ATG10: variants seen among roughly 807,000 people sequenced by gnomAD.
The protein encoded by ATG10 is autophagy related 10.
ATG10 carries 30 observed loss-of-function variants against 32.1 expected under a neutral mutation model. That is an observed-to-expected ratio of 0.94 (90% CI 0.70 to 1.27). The LOEUF is 1.27. Ranked by LOEUF, ATG10 falls within the 50% of genes most tolerant of loss-of-function variation. ATG10 has a pLI of 0.00. For missense variants in ATG10, 233 were observed against 262.3 expected, an observed-to-expected ratio of 0.89 and a Z score of 0.77; for synonymous variants, 87 against 91.5, an observed-to-expected ratio of 0.95 and a Z score of 0.28.
chr5:82,195,819 G>A (rs1744831654), intron 5 of ATG10, among the ~76,000 whole-genome samples: 1 of 152,100 alleles, frequency 6.6e-6, no homozygotes, highest in African/African-American at 2.4e-5. Context: ...CTTTGTGACT[G>A]TTATGAACAA....
At chr5:82,121,941 G>GTTTTTTTT (rs77349086) in intron 3 of ATG10, among the ~76,000 whole-genome samples, 150 of 120,984 alleles carry the variant, frequency 1.2e-3, no homozygotes, top group African/African-American at 4.1e-3. Context: ...TTGGCCTGAA[G>GTTTTTTTT]TTTTTTTTTT....
At chr5:82,238,374 T>A (rs1746652129) in intron 5 of ATG10, among the ~76,000 whole-genome samples, 1 of 97,822 alleles carries the variant, frequency 1.0e-5, no homozygotes, top group Admixed American at 1.6e-4. Context: ...TGCCCAGCCA[T>A]CAGCCATCTC....
chr5:82,102,754 C>T (rs1452501705), intron 3 of ATG10, among the ~76,000 whole-genome samples: 1 of 152,118 alleles, frequency 6.6e-6, no homozygotes, highest in Non-Finnish European at 1.5e-5. Flanking sequence ...TTAGCTGATA[C>T]CCTAACTTTC....
chr5:81,973,210 A>T (rs1020682706), intron 1 of ATG10: 1 of 152,132 alleles, frequency 6.6e-6, no homozygotes, highest in Non-Finnish European at 1.5e-5. Context: ...GCTCACTGCA[A>T]CCTCTGCCTC....
At chr5:82,249,162 T>G (rs1747144428) in intron 5 of ATG10, among the ~76,000 whole-genome samples, 1 of 152,172 alleles carries the variant, frequency 6.6e-6, no homozygotes, top group Non-Finnish European at 1.5e-5. Context: ...ACTGAAGTGT[T>G]TTTGAAGTAC....
intron 3 of ATG10, among the ~76,000 whole-genome samples, chr5:82,062,861 A>G (rs959251669): frequency 4.6e-5 from 7 of 152,172 alleles, no homozygotes; most frequent in African/African-American, 1.4e-4. Context: ...ATTCCATTTG[A>G]ACTACATATA....
Position 82,139,634 on chromosome 5 carries a change from G to C in ATG10, c.217-24765G>C, listed in dbSNP as rs1192486228. Among the ~76,000 whole-genome samples, 3 of 134,752 alleles carry C rather than the reference G, an allele frequency of 2.2e-5. No homozygotes were observed. In the East Asian group the frequency reaches 6.8e-4, roughly 30 times the overall value. The allele number at this position is 134,752 out of a possible 152,430, so 88.4% of individuals were successfully genotyped here. On this transcript the variant is annotated intron_variant, in intron 3 of 7. Coordinates refer to ENST00000282185, the MANE Select transcript of ATG10 (RefSeq NM_031482.5). Reference sequence around the variant, plus strand: ...CCACCCCATCTGGGAAGTGAGGAGCGTCTCCGCCCAGCAGCCACCCCATCT... The same window carrying C: ...CCACCCCATCTGGGAAGTGAGGAGCCTCTCCGCCCAGCAGCCACCCCATCT...
Position 82,170,145 on chromosome 5 carries a change from AT to A in ATG10, c.355+5609del, listed in dbSNP as rs1355089852. On this transcript the variant is annotated intron_variant, in intron 4 of 7. Transcript: ENST00000282185. ...TGGACCCAGAGGCTTGGGAGAGAAAATAACAAGGTAAGTACATTAATTTTAT... is the reference window on the plus strand; with the variant it reads ...TGGACCCAGAGGCTTGGGAGAGAAAAAACAAGGTAAGTACATTAATTTTAT... Among the ~76,000 whole-genome samples, 51 of 152,356 alleles carry A rather than the reference AT, an allele frequency of 3.3e-4. 1 individual carries two copies. The highest frequency in any genetic ancestry group is 1.1e-3 in the African/African-American group (46 of 41,584).
At chr5:81,983,521 C>T (rs1298265342) in intron 1 of ATG10, among the ~76,000 whole-genome samples, 1 of 148,056 alleles carries the variant, frequency 6.8e-6, no homozygotes, top group East Asian at 2.1e-4. Flanking sequence ...CTGACCCCCC[C>T]CACCTCCCTC....
chr5:82,011,301 A>G (rs542071635), intron 2 of ATG10, among the ~76,000 whole-genome samples: 2 of 152,082 alleles, frequency 1.3e-5, no homozygotes, highest in East Asian at 3.8e-4. Context: ...GGATCATTAC[A>G]TCAATTTATT....
intron 3 of ATG10, among the ~76,000 whole-genome samples, chr5:82,093,389 T>C (rs1764954569): frequency 6.6e-6 from 1 of 152,192 alleles, no homozygotes; most frequent in Admixed American, 6.6e-5. Context: ...AATTTTTCTT[T>C]ATTCCCTTCT....
chr5:82,146,815 A>G (rs1052973147), intron 3 of ATG10, among the ~76,000 whole-genome samples: 1 of 152,066 alleles, frequency 6.6e-6, no homozygotes, highest in African/African-American at 2.4e-5. Context: ...TAAAATCAAT[A>G]TGAATATATT....
intron 5 of ATG10, among the ~76,000 whole-genome samples, chr5:82,192,712 C>A (rs1744708998): frequency 6.6e-6 from 1 of 152,072 alleles, no homozygotes; most frequent in Non-Finnish European, 1.5e-5. Context: ...TATTTATTAT[C>A]ATTAATCCAT....
chr5:81,993,116 G>A (rs2149674020), intron 2 of ATG10, among the ~76,000 whole-genome samples: 1 of 152,046 alleles, frequency 6.6e-6, no homozygotes, highest in East Asian at 1.9e-4. Context: ...GACAGATCCA[G>A]GTTCAAATAC....
At chr5:81,989,592 A>G (rs890747850) in intron 2 of ATG10, among the ~76,000 whole-genome samples, 7 of 151,232 alleles carry the variant, frequency 4.6e-5, no homozygotes, top group Admixed American at 2.6e-4. Context: ...TTTGTTTGCT[A>G]TTATGTTTCA....
intron 2 of ATG10, among the ~76,000 whole-genome samples, chr5:81,993,293 CT>C (rs1761515610): frequency 6.8e-5 from 8 of 118,186 alleles, no homozygotes; most frequent in African/African-American, 2.5e-4. Flanking sequence ...TTCTTTCCTT[CT>C]TTCTTTCCTT....
intron 5 of ATG10, among the ~76,000 whole-genome samples, chr5:82,192,264 G>A (rs114244387): frequency 4.0e-4 from 61 of 152,212 alleles, no homozygotes; most frequent in African/African-American, 1.3e-3. Flanking sequence ...GAGAAGAGGC[G>A]GTAGGTTGGA....
At chr5:82,178,742 C>T (rs77418801) in intron 5 of ATG10, among the ~76,000 whole-genome samples, 155 bp downstream of exon 5, 1 of 151,956 alleles carries the variant, frequency 6.6e-6, no homozygotes, top group African/African-American at 2.4e-5. Context: ...AAAAAAAAAC[C>T]TTCCCAGACC....
At chr5:82,246,151 A>G (rs1341067579) in intron 5 of ATG10, among the ~76,000 whole-genome samples, 1 of 147,704 alleles carries the variant, frequency 6.8e-6, no homozygotes, top group African/African-American at 2.5e-5. Flanking sequence ...ACTTACTGCT[A>G]CCTCTGCCTT....
Sources: allele counts gnomAD v4.1 joint callset (sites outside exome capture counted in the v4.1 genomes callset), GRCh38; gene constraint gnomAD v4.1.1; transcripts MANE v1.5; gene names NCBI Gene and HGNC (gene_info 2026-07-23, HGNC 2026-07-21).